Variants in SERPINA1 observed in about 807,000 individuals in gnomAD.
SERPINA1 encodes the protein serpin family A member 1, also known as alpha-1-antitrypsin.
A neutral mutation model predicts 25.4 loss-of-function variants in SERPINA1; 21 were observed. That is an observed-to-expected ratio of 0.83 (90% CI 0.59 to 1.19). The LOEUF (loss-of-function observed/expected upper bound fraction) is 1.19, where lower values mean the gene tolerates loss of function less well. SERPINA1 is among the 50% of genes most tolerant of loss of function. SERPINA1 has a pLI of 0.00. For synonymous variants in SERPINA1, 218 were observed against 211.1 expected (o/e 1.03, Z -0.29); for missense variants, 546 against 509.0 (o/e 1.07, Z -0.70).
chr14:94,383,301 A>G, intron 1 of SERPINA1, 60 bp from the exon 2 acceptor site: 1 of 1,563,066 alleles, frequency 6.4e-7, no homozygotes, highest in Non-Finnish European at 8.7e-7. Flanking sequence ...ACTCCCAGTG[A>G]TCAGGGATTG....
In SERPINA1 at chr14:94,377,559, T is replaced by G. The variant is rs900977949; in HGVS notation, c.*890A>C. Reference sequence around the variant, plus strand: ...TAGCTGAGGAGTCCTTGCAATGGCCTTCCTGAGCCATCAGCAGGCCTATGG... The same window carrying G: ...TAGCTGAGGAGTCCTTGCAATGGCCGTCCTGAGCCATCAGCAGGCCTATGG... On this transcript the variant is annotated 3_prime_UTR_variant, in exon 5 of 5. Coordinates refer to ENST00000393087, the MANE Select transcript of SERPINA1 (RefSeq NM_000295.5). The G allele has an allele frequency of 6.6e-6, 1 of 152,262 alleles. No individual in the cohort carries two copies. The highest frequency in any genetic ancestry group is 1.5e-5 in the Non-Finnish European group (1 of 68,114). 9.4% of individuals were successfully genotyped at this position (152,262 alleles called of 1,614,324 possible). A position where few individuals can be genotyped will look rare whatever the true frequency, so the allele number is the denominator to read the frequency against.
upstream of SERPINA1, chr14:94,390,522 G>A (rs1404013886): frequency 6.6e-6 from 1 of 152,344 alleles, no homozygotes; most frequent in East Asian, 1.9e-4. Flanking sequence ...AGAGTGGCCT[G>A]AAGGCTGGCA....
In SERPINA1 at chr14:94,378,128, G is replaced by C; in HGVS notation, c.*321C>G. 2 of 383,090 alleles carry C rather than the reference G, an allele frequency of 5.2e-6. No homozygotes were observed. Among genetic ancestry groups the C allele is most frequent in the Non-Finnish European group, 9.5e-6 (2 of 209,478 alleles). 23.7% of individuals were successfully genotyped at this position (383,090 alleles called of 1,614,324 possible). A position where few individuals can be genotyped will look rare whatever the true frequency, so the allele number is the denominator to read the frequency against. ...TCCTCCCCTGTGATTCCTTCTTGGGGACTCCAAGACAGGACAAGGAAGACT... is the reference window on the plus strand; with the variant it reads ...TCCTCCCCTGTGATTCCTTCTTGGGCACTCCAAGACAGGACAAGGAAGACT... On this transcript the variant is annotated 3_prime_UTR_variant, in exon 5 of 5. Coordinates refer to ENST00000393087, the MANE Select transcript of SERPINA1 (RefSeq NM_000295.5).
chr14:94,378,595 C>CTGTT lies in SERPINA1; in HGVS notation c.1110_1111insAACA (p.Ala371AsnfsTer31), dbSNP rs754737768. The CTGTT allele has an allele frequency of 6.2e-7, 1 of 1,614,020 alleles. No homozygotes were observed. On this transcript the variant is annotated frameshift_variant, in exon 5 of 5. Coordinates refer to ENST00000393087, the MANE Select transcript of SERPINA1 (RefSeq NM_000295.5). LOFTEE classifies it low-confidence loss of function (END_TRUNC). ...GCCTCTAAAAACATGGCCCCAGCAG[C>CTGTT]TTCAGTCCCTTTCTCGTCGATGGTC... is the stretch of plus-strand genomic sequence containing the variant.
intron 3 of SERPINA1, chr14:94,380,644 C>T (rs796596696): frequency 1.4e-4 from 82 of 603,712 alleles, no homozygotes; most frequent in South Asian, 3.9e-5. Flanking sequence ...AGGGACGAGA[C>T]CTTTACCTCC....
chr14:94,384,749 C>G (rs905687402), intron 1 of SERPINA1, among the ~76,000 whole-genome samples: 1 of 152,052 alleles, frequency 6.6e-6, no homozygotes, highest in African/African-American at 2.4e-5. Context: ...AAAAAGGTGT[C>G]CTTGAATTTG....
rs751696406 is a variant in SERPINA1, at chr14:94,378,580, A to T, written c.1126T>A (p.Phe376Ile). 1.4e-5 allele frequency: 23 copies of T among 1,613,902 alleles called. No homozygotes were observed. The highest frequency in any genetic ancestry group is 1.8e-5 in the Non-Finnish European group (21 of 1,179,992). Residue 376 changes from phenylalanine to isoleucine, a missense_variant, in exon 5 of 5, where the codon TTT becomes ATT. Phe to Ile is a conservative substitution (Grantham distance 21, BLOSUM62 0). Coordinates refer to ENST00000393087, the MANE Select transcript of SERPINA1 (RefSeq NM_000295.5). ...EKGTEAAGAMFLEAIPMSIPP... is the reference protein window; with the variant it reads ...EKGTEAAGAMILEAIPMSIPP... ...ATAGACATGGGTATGGCCTCTAAAA[A>T]CATGGCCCCAGCAGCTTCAGTCCCT...
Position 94,383,064 on chromosome 14 carries a change from G to A in SERPINA1, c.174C>T (p.Ala58=). ...GTGCCAGCTGGCGGTATAGGCTGAA[G>A]GCGAACTCAGCCAGGTTGGGGGTGA... ...NKITPNLAEF[A]FSLYRQLAHQ... Residue 58 remains alanine (A), a synonymous_variant, in exon 2 of 5, where the codon GCC becomes GCT. Transcript: ENST00000393087. 8 of 1,614,172 alleles carry A rather than the reference G, an allele frequency of 5.0e-6. No individual in the cohort carries two copies. The highest frequency in any genetic ancestry group is 6.8e-6 in the Non-Finnish European group (8 of 1,179,970).
At chr14:94,378,963 C>A in intron 4 of SERPINA1, 1 of 486,740 alleles carries the variant, frequency 2.1e-6, no homozygotes, top group Non-Finnish European at 3.7e-6. Flanking sequence ...CTTGAGGACA[C>A]GGACCCTGGC....
rs9630 is a variant in SERPINA1 at position 94,378,638 on chromosome 14, G to A, written c.1068C>T (p.Ala356=). 2,531 of 1,613,330 alleles carry A rather than the reference G, an allele frequency of 1.6e-3. 28 individuals are homozygous for A. The African/African-American group carries it at 0.029, about 19-fold the overall frequency. The change falls in exon 5 of 5, where the codon GCC becomes GCT. Residue 356 remains alanine (A), a splice_region_variant and synonymous_variant. Transcript: ENST00000393087. The part of the protein sequence containing the change: ...TEEAPLKLSK[A]VHKAVLTIDE... ...CGATGGTCAGCACAGCCTTATGCAC[G>A]GCCTGGAGGGGAGAGAAGCAGAGAC... is the stretch of plus-strand genomic sequence containing the variant.
chr14:94,385,520 G>A (rs540569743), intron 1 of SERPINA1, among the ~76,000 whole-genome samples: 5 of 152,236 alleles, frequency 3.3e-5, no homozygotes, highest in Non-Finnish European at 1.5e-5. Context: ...GTAGAGCTGA[G>A]GTTTCACCGT....
intron 1 of SERPINA1, among the ~76,000 whole-genome samples, chr14:94,387,059 C>T (rs923199822): frequency 6.6e-6 from 1 of 152,220 alleles, no homozygotes; most frequent in Non-Finnish European, 1.5e-5. Flanking sequence ...ACAGATTTCA[C>T]TCCAAAACCT....
At chr14:94,380,194 C>G (rs1325552252) in intron 3 of SERPINA1, among the ~76,000 whole-genome samples, 1 of 152,264 alleles carries the variant, frequency 6.6e-6, no homozygotes, top group East Asian at 1.9e-4. Context: ...ATTCCAGCCT[C>G]GATTCCTATT....
chr14:94,384,717 A>G (rs1897180666), intron 1 of SERPINA1, among the ~76,000 whole-genome samples: 1 of 152,200 alleles, frequency 6.6e-6, no homozygotes. Context: ...AACCAAAACC[A>G]TCATCTTAAC....
At chr14:94,379,311 C>T (rs945759763) in intron 4 of SERPINA1, 153 bp downstream of exon 4, 59 of 1,157,264 alleles carry the variant, frequency 5.1e-5, no homozygotes, top group East Asian at 9.5e-5. Context: ...GACCACGTCC[C>T]GTGTCAGTGA....
intron 1 of SERPINA1, among the ~76,000 whole-genome samples, chr14:94,384,615 A>G (rs571827829): frequency 1.3e-5 from 2 of 152,176 alleles, no homozygotes; most frequent in Non-Finnish European, 2.9e-5. Context: ...GCAGCCCCCT[A>G]GGTAGAACCT....
rs1030784183 is a variant in SERPINA1 at position 94,382,231 on chromosome 14, T to C, written c.646+361A>G. ...CAGATTGCAAAACTGATACTGATTC[T>C]GGGACACTAGAGTCGTGTAAAGTAT... On this transcript the variant is annotated intron_variant, in intron 2 of 4. Transcript: ENST00000393087. Among the ~76,000 whole-genome samples, 6 of 152,238 alleles carry C rather than the reference T, an allele frequency of 3.9e-5. No individual in the cohort carries two copies. The South Asian group carries it at 8.3e-4, about 21-fold the overall frequency.
rs1216502935 is a variant in SERPINA1 at position 94,378,530 on chromosome 14, T to C, written c.1176A>G (p.Lys392=). The C allele has an allele frequency of 1.2e-6, 2 of 1,613,804 alleles. No individual in the cohort carries two copies. The highest frequency in any genetic ancestry group is 1.7e-6 in the Non-Finnish European group (2 of 1,179,934). Residue 392 remains lysine, a synonymous_variant, in exon 5 of 5, where the codon AAA becomes AAG. Transcript: ENST00000393087. ...MSIPPEVKFN[K]PFVFLMIEQN... Reference sequence around the variant, plus strand: ...GTTCAATCATTAAGAAGACAAAGGGTTTGTTGAACTTGACCTCGGGGGGGA... The same window carrying C: ...GTTCAATCATTAAGAAGACAAAGGGCTTGTTGAACTTGACCTCGGGGGGGA...
In SERPINA1 at chr14:94,384,352, G is replaced by C. The variant is rs78993105; in HGVS notation, c.-4-1111C>G. Among the ~76,000 whole-genome samples, 4 of 152,272 alleles carry C rather than the reference G, an allele frequency of 2.6e-5. No individual in the cohort carries two copies. In the East Asian group the frequency reaches 7.7e-4, roughly 29 times the overall value. ...AACCTTACATCAAAAGGATCTGAGA[G>C]GGCAACTCTTTTGAGGGAGGGGTTG... On this transcript the variant is annotated intron_variant, in intron 1 of 4. Transcript: ENST00000393087.
Sources: gnomAD v4.1 joint callset for allele counts (sites outside exome capture counted in the v4.1 genomes callset) on GRCh38, gnomAD v4.1.1 for gene constraint, MANE v1.5 for transcripts, NCBI Gene and HGNC (gene_info 2026-07-23, HGNC 2026-07-21) for gene names.